The following CRYBA4 variants were observed in gnomAD, a reference collection of about 807,000 sequenced individuals.
CRYBA4 encodes beta-crystallin A4.
CRYBA4 carries 30 observed loss-of-function variants against 31.7 expected under a neutral mutation model. The ratio of observed to expected loss-of-function variants is 0.95; its 90% CI spans 0.71 to 1.28. The LOEUF is 1.28. Among genes scored for constraint, CRYBA4 ranks in the 50% most tolerant of loss-of-function variants. The probability of loss-of-function intolerance (pLI) is 0.00; values close to 1 mark genes in which losing one functional copy is unlikely to be tolerated. For synonymous variants in CRYBA4, 102 were observed against 102.3 expected (o/e 1.00, Z 0.02); for missense variants, 225 against 260.7 (o/e 0.86, Z 0.94).
chr22:26,601,477 T>G, the CRYBA4 span, among the ~76,000 whole-genome samples: 1 of 151,726 alleles, frequency 6.6e-6, no homozygotes, highest in African/African-American at 2.4e-5. Context: ...ATGATGCAAA[T>G]TCACTGCTCA....
the CRYBA4 span, chr22:26,616,409 G>A: frequency 1.3e-5 from 13 of 1,036,612 alleles, no homozygotes; most frequent in Non-Finnish European, 1.9e-5. Context: ...CCCACATCCT[G>A]TGCTTTCAGC....
the CRYBA4 span, among the ~76,000 whole-genome samples, chr22:26,605,756 T>A: frequency 1.1e-4 from 17 of 151,696 alleles, no homozygotes; most frequent in Non-Finnish European, 1.9e-4. Context: ...GGTTTATTTT[T>A]TTTTTTTATT....
the CRYBA4 span, among the ~76,000 whole-genome samples, chr22:26,607,219 C>T: frequency 2.6e-5 from 4 of 151,792 alleles, no homozygotes; most frequent in Non-Finnish European, 5.9e-5. Context: ...GACGGGGTTT[C>T]GTCATGTTGA....
chr22:26,612,346 C>A, the CRYBA4 span, among the ~76,000 whole-genome samples: 1 of 152,152 alleles, frequency 6.6e-6, no homozygotes, highest in Non-Finnish European at 1.5e-5. Context: ...TCCCCCAATT[C>A]TTTACTGATT....
At chr22:26,628,704 C>G (rs530003840) in intron 5 of CRYBA4, among the ~76,000 whole-genome samples, 1 of 152,308 alleles carries the variant, frequency 6.6e-6, no homozygotes, top group South Asian at 2.1e-4. Context: ...CCCCCACAAC[C>G]CCCAACCTGT....
rs769994960 is a variant in CRYBA4 at position 26,622,587 on chromosome 22, A to G, written c.-10A>G. On this transcript the variant is annotated splice_region_variant and 5_prime_UTR_variant, in exon 2 of 6. Transcript: ENST00000354760. The stretch of plus-strand genomic sequence containing the variant: ...TATAATGTTCTTCTCTTCTGCAGGA[A>G]GGGGCCACAATGACCCTGCAATGCA... 3.8e-6 allele frequency: 6 copies of G among 1,572,792 alleles called. No homozygotes were observed. The South Asian group carries it at 6.6e-5, about 17-fold the overall frequency.
chr22:26,606,555 A>G, the CRYBA4 span, among the ~76,000 whole-genome samples: 7 of 152,220 alleles, frequency 4.6e-5, no homozygotes, highest in African/African-American at 1.7e-4. Context: ...ACCCCTTAAC[A>G]TAGGTTGGCA....
the CRYBA4 span, among the ~76,000 whole-genome samples, chr22:26,595,664 T>A: frequency 4.6e-5 from 7 of 152,080 alleles, no homozygotes; most frequent in East Asian, 1.4e-3. Flanking sequence ...TTTGTAGAGA[T>A]GGGGTCTCCC....
At chr22:26,609,784 C>T in the CRYBA4 span, among the ~76,000 whole-genome samples, 2 of 152,152 alleles carry the variant, frequency 1.3e-5, no homozygotes, top group Non-Finnish European at 2.9e-5. Context: ...ACAGACAGAC[C>T]TGAATTCTAA....
the CRYBA4 span, among the ~76,000 whole-genome samples, chr22:26,608,175 C>T: frequency 6.6e-6 from 1 of 152,218 alleles, no homozygotes; most frequent in African/African-American, 2.4e-5. Context: ...TGATTTTAGG[C>T]TCTGACACTT....
At chr22:26,613,559 C>A in the CRYBA4 span, among the ~76,000 whole-genome samples, 1 of 152,212 alleles carries the variant, frequency 6.6e-6, no homozygotes, top group East Asian at 1.9e-4. Flanking sequence ...GTAAAGATTT[C>A]ATGGACACTT....
the CRYBA4 span, among the ~76,000 whole-genome samples, chr22:26,592,910 G>A: frequency 6.6e-6 from 1 of 152,194 alleles, no homozygotes; most frequent in Non-Finnish European, 1.5e-5. Context: ...AGAGGCTAAG[G>A]AGGAGGATCA....
the CRYBA4 span, chr22:26,612,139 C>A: frequency 6.2e-7 from 1 of 1,614,038 alleles, no homozygotes; most frequent in Non-Finnish European, 8.5e-7. Flanking sequence ...GAGCACTCCC[C>A]CGAGAATTCT....
At chr22:26,623,940 C>T (rs1419902150) in intron 3 of CRYBA4, among the ~76,000 whole-genome samples, 1 of 152,224 alleles carries the variant, frequency 6.6e-6, no homozygotes, top group Non-Finnish European at 1.5e-5. Context: ...ATTTCAGAGC[C>T]ACTGGCCAGA....
chr22:26,624,966 G>A (rs1422948546), intron 3 of CRYBA4, among the ~76,000 whole-genome samples: 1 of 152,200 alleles, frequency 6.6e-6, no homozygotes, highest in East Asian at 1.9e-4. Flanking sequence ...AAGAGAGGGA[G>A]GAAAATGAGA....
chr22:26,627,359 C>T lies in CRYBA4; in HGVS notation c.301-929C>T, dbSNP rs867102805. Among the ~76,000 whole-genome samples the T allele has an allele frequency of 8.1e-3, 339 of 41,810 alleles. 15 individuals carry two copies. Among genetic ancestry groups the T allele is most frequent in the African/African-American group, 0.031 (243 of 7,860 alleles). The allele number at this position is 41,810 out of a possible 152,430, so 27.4% of individuals were successfully genotyped here. A position where few individuals can be genotyped will look rare whatever the true frequency, so the allele number is the denominator to read the frequency against. ...CCCCTCCCTCCCTCCCTCCCTCCCT[C>T]CTTTCTTTCTTTCTTTCTTTCTTTC... On this transcript the variant is annotated intron_variant, in intron 4 of 5. Coordinates refer to ENST00000354760, the MANE Select transcript of CRYBA4 (RefSeq NM_001886.3).
chr22:26,614,507 C>T, the CRYBA4 span, among the ~76,000 whole-genome samples: 1 of 152,120 alleles, frequency 6.6e-6, no homozygotes, highest in Non-Finnish European at 1.5e-5. Context: ...TTCACGAGAG[C>T]AAAGCTAGCA....
chr22:26,623,213 C>T (rs759170953), intron 2 of CRYBA4, 21 bp from the exon 3 acceptor site: 2 of 1,351,216 alleles, frequency 1.5e-6, no homozygotes, highest in Non-Finnish European at 1.0e-6. Context: ...GGATCTCCAC[C>T]TTTTTTTTTT....
chr22:26,599,402 T>G, the CRYBA4 span: 1 of 1,413,602 alleles, frequency 7.1e-7, no homozygotes, highest in Non-Finnish European at 9.8e-7. Context: ...AATTTTGGCT[T>G]TAGGGAATTT....
Sources: gnomAD v4.1 joint callset for allele counts (sites outside exome capture counted in the v4.1 genomes callset) on GRCh38, gnomAD v4.1.1 for gene constraint, MANE v1.5 for transcripts, NCBI Gene and HGNC (gene_info 2026-07-23, HGNC 2026-07-21) for gene names.